DNAJC13: variants seen among roughly 807,000 people sequenced by gnomAD.
The protein encoded by DNAJC13 is dnaJ homolog subfamily C member 13.
DNAJC13 carries 75 observed loss-of-function variants against 290.5 expected under a neutral mutation model. That is an observed-to-expected ratio of 0.26 (90% CI 0.21 to 0.31). DNAJC13 has a LOEUF of 0.31. Ranked by LOEUF, DNAJC13 falls within the 10% of genes least tolerant of loss-of-function variation. DNAJC13 has a pLI of 1.00. For synonymous variants in DNAJC13, 862 were observed against 892.0 expected (o/e 0.97, Z 0.60); for missense variants, 2,260 against 2,674.5 (o/e 0.85, Z 3.42).
chr3:132,501,015 TTGTA>T, intron 39 of DNAJC13, 102 bp downstream of exon 39: 2 of 1,378,370 alleles, frequency 1.5e-6, no homozygotes, highest in Non-Finnish European at 2.0e-6. Context: ...CCAAAGTTAT[TTGTA>T]AGTAAAATTA....
At chr3:132,471,507 G>C (rs1319169513) in intron 20 of DNAJC13, among the ~76,000 whole-genome samples, 1 of 139,196 alleles carries the variant, frequency 7.2e-6, no homozygotes, top group East Asian at 2.2e-4. Context: ...TTGCCAGGCA[G>C]AGGGTCTCCT....
intron 1 of DNAJC13, among the ~76,000 whole-genome samples, chr3:132,429,982 A>G (rs1015456604): frequency 6.6e-6 from 1 of 152,204 alleles, no homozygotes; most frequent in African/African-American, 2.4e-5. Flanking sequence ...TACTGATGAT[A>G]TGAACTTCTG....
chr3:132,475,588 A>T (rs1345930799), intron 22 of DNAJC13, among the ~76,000 whole-genome samples: 2 of 152,228 alleles, frequency 1.3e-5, no homozygotes, highest in East Asian at 1.9e-4. Flanking sequence ...TATTATAAAC[A>T]TATACAATTT....
intron 43 of DNAJC13, among the ~76,000 whole-genome samples, chr3:132,509,706 A>G (rs977197897): frequency 6.6e-6 from 1 of 152,224 alleles, no homozygotes. Context: ...CACCCTGATT[A>G]GTCAGCAGCT....
At chr3:132,512,406 A>G (rs1438750431) in intron 44 of DNAJC13, among the ~76,000 whole-genome samples, 1 of 152,218 alleles carries the variant, frequency 6.6e-6, no homozygotes, top group Non-Finnish European at 1.5e-5. Flanking sequence ...AGAATCCTCA[A>G]AAGATAAGAA....
At chr3:132,418,142 G>T (rs896146534) in intron 1 of DNAJC13, among the ~76,000 whole-genome samples, 7 of 152,150 alleles carry the variant, frequency 4.6e-5, no homozygotes, top group Non-Finnish European at 8.8e-5. Context: ...CTGGATGCCG[G>T]CAACTCTTGT....
At position 132,516,479 on chromosome 3, in the gene DNAJC13, A is replaced by C. The variant is rs757752539; in HGVS notation, c.5543A>C (p.Lys1848Thr). Residue 1848 changes from lysine to threonine, a missense_variant, in exon 47 of 56, where the codon AAA (lysine) becomes ACA (threonine). By Grantham distance (78) the Lys-to-Thr change is moderately conservative. Coordinates refer to ENST00000260818, the MANE Select transcript of DNAJC13 (RefSeq NM_015268.4). ...TTGACATCGAGTACAAAAATAATCAAAGAAGCAATGGCAAAGGGTAATGTA... is the reference window on the plus strand; with the variant it reads ...TTGACATCGAGTACAAAAATAATCACAGAAGCAATGGCAAAGGGTAATGTA... ...YALTSSTKII[K>T]EAMAKGALIY... 4.3e-6 allele frequency: 7 copies of C among 1,613,728 alleles called. No individual in the cohort carries two copies. The highest frequency in any genetic ancestry group is 1.3e-5 in the African/African-American group (1 of 74,898).
At chr3:132,517,839 A>T (rs1343894964) in intron 48 of DNAJC13, among the ~76,000 whole-genome samples, 1 of 152,220 alleles carries the variant, frequency 6.6e-6, no homozygotes, top group Non-Finnish European at 1.5e-5. Flanking sequence ...TTCTTGCTCG[A>T]TCTCTCAGTC....
chr3:132,490,897 A>G lies in DNAJC13; in HGVS notation c.3469A>G (p.Thr1157Ala), dbSNP rs1935040895. The G allele has an allele frequency of 6.4e-7, 1 of 1,569,410 alleles. No homozygotes were observed. Among genetic ancestry groups the G allele is most frequent in the African/African-American group, 1.4e-5 (1 of 72,564 alleles). The change falls in exon 32 of 56, where the codon ACA becomes GCA. Residue 1157 changes from threonine to alanine, a missense_variant and splice_region_variant. Transcript: ENST00000260818. ...HTKQAFKSEE[T>A]KGQDIFQRSI... ...CCTTTTGTTTTGTTTTGTTTTGAAG[A>G]CAAAAGGACAAGATATTTTTCAGAG...
intron 19 of DNAJC13, 26 bp downstream of exon 19, chr3:132,466,420 C>T: frequency 6.5e-7 from 1 of 1,541,560 alleles, no homozygotes; most frequent in Non-Finnish European, 8.7e-7. Context: ...CCAAGTGTGC[C>T]TTTTTTAGGA....
intron 41 of DNAJC13, among the ~76,000 whole-genome samples, chr3:132,504,178 G>C (rs1284272428): frequency 6.6e-6 from 1 of 151,882 alleles, no homozygotes. Context: ...AAAATCCTCA[G>C]GTTTCCAAAG....
rs536936247 is a variant in DNAJC13 at position 132,534,985 on chromosome 3, AT to A, written c.6626-3188del. 8.5e-5 allele frequency among the ~76,000 whole-genome samples: 13 copies of A among 152,308 alleles called. No homozygotes were observed. In the East Asian group the frequency reaches 2.5e-3, roughly 29 times the overall value. ...TAGTGTTGTGTTGAATTGGAATTTC[AT>A]TTAGTTAAAATGTGCCCCGTGCTAC... On this transcript the variant is annotated intron_variant, in intron 55 of 55. Coordinates refer to ENST00000260818, the MANE Select transcript of DNAJC13 (RefSeq NM_015268.4).
At chr3:132,532,912 A>AATTATTATTATTATTATTATT (rs78689169) in intron 55 of DNAJC13, among the ~76,000 whole-genome samples, 16,064 of 141,594 alleles carry the variant, frequency 0.11, 1,231 homozygotes, top group East Asian at 0.4. Context: ...TAATTTTTGT[A>AATTATTATTATTATTATTATT]ATTATTATTA....
intron 2 of DNAJC13, among the ~76,000 whole-genome samples, chr3:132,443,109 C>T (rs532384981): frequency 5.9e-5 from 9 of 152,298 alleles, no homozygotes; most frequent in South Asian, 4.1e-4. Flanking sequence ...TCCGTGGAGT[C>T]TTTGTCTCTT....
chr3:132,488,900 C>A, intron 30 of DNAJC13, 76 bp from the exon 31 acceptor site: 1 of 1,069,490 alleles, frequency 9.4e-7, no homozygotes, highest in Non-Finnish European at 1.4e-6. Flanking sequence ...TATAAAAGAT[C>A]TAGTCTTTAG....
intron 3 of DNAJC13, 50 bp from the exon 4 acceptor site, chr3:132,447,271 A>G: frequency 7.3e-7 from 1 of 1,366,980 alleles, no homozygotes; most frequent in Non-Finnish European, 9.5e-7. Flanking sequence ...AATAAGCATT[A>G]CATTTTACTG....
In DNAJC13 at chr3:132,514,649, C is replaced by G. The variant is rs775482892; in HGVS notation, c.5464C>G (p.Leu1822Val). The stretch of plus-strand genomic sequence containing the variant: ...AATGGTTTTGTCCAGTTTATTGGCT[C>G]TTCTACATTCATTGCCATCAAGTAT... The part of the protein sequence containing the change: ...ESMVLSSLLA[L>V]LHSLPSSRQL... The change falls in exon 46 of 56, where the codon CTT becomes GTT. Residue 1822 changes from leucine (L) to valine (V), a missense_variant. Physicochemically the swap from Leu to Val is conservative, Grantham distance 32. Transcript: ENST00000260818. The G allele has an allele frequency of 1.2e-6, 2 of 1,610,266 alleles. No individual in the cohort carries two copies. The highest frequency in any genetic ancestry group is 1.7e-6 in the Non-Finnish European group (2 of 1,178,316).
chr3:132,527,509 C>T (rs1211089898), intron 53 of DNAJC13, among the ~76,000 whole-genome samples: 1 of 152,176 alleles, frequency 6.6e-6, no homozygotes, highest in Admixed American at 6.5e-5. Context: ...TAGGAAAGAA[C>T]ATGAGCTGGT....
At chr3:132,424,182 C>A (rs1448031396) in intron 1 of DNAJC13, among the ~76,000 whole-genome samples, 1 of 152,034 alleles carries the variant, frequency 6.6e-6, no homozygotes, top group Non-Finnish European at 1.5e-5. Context: ...GGAAAGAAAG[C>A]TTTCAGGTGA....
Sources: allele counts gnomAD v4.1 joint callset (sites outside exome capture counted in the v4.1 genomes callset), GRCh38; gene constraint gnomAD v4.1.1; transcripts MANE v1.5; gene names NCBI Gene and HGNC (gene_info 2026-07-23, HGNC 2026-07-21).